The following SGCZ variants were observed in gnomAD, a reference collection of about 807,000 sequenced individuals.
SGCZ encodes the protein zeta-sarcoglycan.
Under a neutral mutation model 41.3 loss-of-function variants are expected in SGCZ, and 40 were observed. The ratio of observed to expected loss-of-function variants is 0.97; its 90% confidence interval spans 0.75 to 1.26. The LOEUF is 1.26. Ranked by LOEUF, SGCZ falls within the 50% of genes most tolerant of loss-of-function variation. The probability of loss-of-function intolerance (pLI) is 0.00; values close to 1 mark genes in which losing one functional copy is unlikely to be tolerated. For synonymous variants in SGCZ, 206 were observed against 137.5 expected, an observed-to-expected ratio of 1.50 and a Z score of -3.49; for missense variants, 552 against 369.8, an observed-to-expected ratio of 1.49 and a Z score of -4.04.
intron 2 of SGCZ, among the ~76,000 whole-genome samples, chr8:14,452,893 A>AG (rs1266684943): frequency 6.6e-6 from 1 of 152,114 alleles, no homozygotes; most frequent in Non-Finnish European, 1.5e-5. Context: ...ATTTGAGATC[A>AG]GGAGTTTGAG....
chr8:14,291,545 T>C (rs1563238663), intron 3 of SGCZ, among the ~76,000 whole-genome samples: 1 of 151,996 alleles, frequency 6.6e-6, no homozygotes, highest in Non-Finnish European at 1.5e-5. Context: ...AATTGAAATA[T>C]CTTAGCTGTC....
intron 1 of SGCZ, among the ~76,000 whole-genome samples, chr8:14,883,247 A>AC (rs1303515776): frequency 1.3e-5 from 2 of 151,602 alleles, no homozygotes; most frequent in Middle Eastern, 3.4e-3. Context: ...AAAAAAAAAA[A>AC]AAACCACAGA....
chr8:14,794,687 A>G (rs1801068429), intron 1 of SGCZ, among the ~76,000 whole-genome samples: 1 of 152,216 alleles, frequency 6.6e-6, no homozygotes, highest in South Asian at 2.1e-4. Flanking sequence ...GTCCAGACTG[A>G]AAAGTTCCAA....
At chr8:14,780,625 G>T (rs921490972) in intron 1 of SGCZ, among the ~76,000 whole-genome samples, 3 of 152,024 alleles carry the variant, frequency 2.0e-5, no homozygotes, top group Admixed American at 2.0e-4. Flanking sequence ...GGGATTCCCA[G>T]GATTAACCTC....
chr8:14,206,554 A>T (rs1038233853), intron 4 of SGCZ, among the ~76,000 whole-genome samples: 1 of 152,178 alleles, frequency 6.6e-6, no homozygotes, highest in East Asian at 1.9e-4. Context: ...TATTAGAGAT[A>T]ATTTCATCCA....
chr8:14,973,019 C>T (rs1041277573), intron 1 of SGCZ, among the ~76,000 whole-genome samples: 6 of 152,260 alleles, frequency 3.9e-5, no homozygotes, highest in Admixed American at 1.3e-4. Context: ...TATTTTATCA[C>T]AAACATTATG....
At chr8:14,781,975 G>C (rs1800602783) in intron 1 of SGCZ, among the ~76,000 whole-genome samples, 1 of 152,144 alleles carries the variant, frequency 6.6e-6, no homozygotes, top group Non-Finnish European at 1.5e-5. Context: ...ACATCATAAA[G>C]TCAAAAACTT....
At chr8:14,826,984 G>C (rs1342829364) in intron 1 of SGCZ, among the ~76,000 whole-genome samples, 1 of 151,920 alleles carries the variant, frequency 6.6e-6, no homozygotes, top group South Asian at 2.1e-4. Context: ...ATTGCTTTTG[G>C]TGTTTTAGAC....
chr8:14,568,500 G>A (rs1018940187), intron 1 of SGCZ, among the ~76,000 whole-genome samples: 2 of 147,948 alleles, frequency 1.4e-5, no homozygotes, highest in Admixed American at 6.8e-5. Flanking sequence ...GAGACTTTTG[G>A]AGGATTTATA....
chr8:15,028,219 A>G (rs572779282), intron 1 of SGCZ, among the ~76,000 whole-genome samples: 1 of 152,160 alleles, frequency 6.6e-6, no homozygotes, highest in Non-Finnish European at 1.5e-5. Flanking sequence ...ATGAGGTTGC[A>G]TTAAGGAAAG....
At chr8:15,043,354 C>T (rs546778744) in intron 1 of SGCZ, among the ~76,000 whole-genome samples, 1 of 152,012 alleles carries the variant, frequency 6.6e-6, no homozygotes, top group Non-Finnish European at 1.5e-5. Context: ...TTCAGTTAAT[C>T]TCATTCTTAG....
At chr8:14,646,126 T>G (rs148174073) in intron 1 of SGCZ, among the ~76,000 whole-genome samples, 1 of 151,996 alleles carries the variant, frequency 6.6e-6, no homozygotes, top group African/African-American at 2.4e-5. Context: ...TACCGCATGA[T>G]GCTGAGGTTC....
chr8:15,105,475 G>A (rs551830560), intron 1 of SGCZ, among the ~76,000 whole-genome samples: 7 of 152,226 alleles, frequency 4.6e-5, no homozygotes, highest in Admixed American at 3.3e-4. Flanking sequence ...AAGTAAGCAC[G>A]TCTTACCATG....
intron 1 of SGCZ, among the ~76,000 whole-genome samples, chr8:15,014,305 G>C (rs1469966165): frequency 2.6e-5 from 4 of 152,140 alleles, no homozygotes; most frequent in Non-Finnish European, 5.9e-5. Flanking sequence ...CGTGGTGTCA[G>C]CCCCCCAAGG....
intron 1 of SGCZ, among the ~76,000 whole-genome samples, chr8:14,887,059 C>A (rs1401174180): frequency 6.6e-6 from 1 of 152,006 alleles, no homozygotes; most frequent in African/African-American, 2.4e-5. Flanking sequence ...GGGCAGATTG[C>A]AAGAGGAACA....
At chr8:14,168,711 G>T (rs893995675) in intron 4 of SGCZ, among the ~76,000 whole-genome samples, 1 of 152,170 alleles carries the variant, frequency 6.6e-6, no homozygotes, top group South Asian at 2.1e-4. Context: ...GGACTAATAC[G>T]CATTGTGAGT....
intron 2 of SGCZ, among the ~76,000 whole-genome samples, chr8:14,547,949 T>G (rs1396329231): frequency 6.6e-6 from 1 of 152,192 alleles, no homozygotes; most frequent in Non-Finnish European, 1.5e-5. Context: ...TGTTTTATGC[T>G]CAACCTTAAC....
At chr8:14,687,904 G>C (rs138015574) in intron 1 of SGCZ, among the ~76,000 whole-genome samples, 2,537 of 152,270 alleles carry the variant, frequency 0.017, 44 homozygotes, top group South Asian at 0.083. Context: ...GTGTGAGATG[G>C]TATCTCATTG....
intron 1 of SGCZ, among the ~76,000 whole-genome samples, chr8:14,561,318 T>A (rs1027846621): frequency 6.6e-6 from 1 of 152,180 alleles, no homozygotes; most frequent in East Asian, 1.9e-4. Context: ...GTCATTCTAA[T>A]GGAATCTACC....
Sources: gnomAD v4.1 joint callset for allele counts (sites outside exome capture counted in the v4.1 genomes callset) on GRCh38, gnomAD v4.1.1 for gene constraint, MANE v1.5 for transcripts, NCBI Gene and HGNC (gene_info 2026-07-23, HGNC 2026-07-21) for gene names.